Variants in INO80D observed in about 807,000 individuals in gnomAD.
INO80D encodes the protein INO80 complex subunit D.
Under a neutral mutation model 87.6 loss-of-function variants are expected in INO80D, and 21 were observed. The observed-to-expected ratio is 0.24, with a 90% CI of 0.17 to 0.35. INO80D has a LOEUF of 0.35. Ranked by LOEUF, INO80D falls within the 10% of genes least tolerant of loss-of-function variation. The pLI is 1.00. For synonymous variants in INO80D, 440 were observed against 491.0 expected, an observed-to-expected ratio of 0.90 and a Z score of 1.37; for missense variants, 982 against 1,280.7, an observed-to-expected ratio of 0.77 and a Z score of 3.56.
intron 5 of INO80D, among the ~76,000 whole-genome samples, chr2:206,033,070 T>C (rs1688808580): frequency 6.6e-6 from 1 of 152,154 alleles, no homozygotes; most frequent in South Asian, 2.1e-4. Context: ...ACCAACCAAC[T>C]ATCTGCTGCC....
intron 8 of INO80D, among the ~76,000 whole-genome samples, chr2:206,016,422 G>C (rs113218261): frequency 1.3e-5 from 2 of 152,178 alleles, no homozygotes; most frequent in African/African-American, 2.4e-5. Flanking sequence ...ACTTGCTTTT[G>C]ATTTTACAGG....
chr2:206,068,794 G>A (rs559173482), intron 1 of INO80D, among the ~76,000 whole-genome samples: 1 of 151,874 alleles, frequency 6.6e-6, no homozygotes, highest in Admixed American at 6.6e-5. Flanking sequence ...CAACCTCCAG[G>A]GCTCAAGCAA....
intron 1 of INO80D, 82 bp from the exon 2 acceptor site, chr2:206,063,326 A>C (rs1349017410): frequency 8.5e-5 from 42 of 493,920 alleles, no homozygotes; most frequent in Admixed American, 1.7e-4. Flanking sequence ...CTAAGATATC[A>C]CCCTTACTAA....
rs942303600 is a variant in INO80D, at chr2:206,000,123, G to A, written c.*4245C>T. ...CTAAATTGCCTCATTAAACTGGAGA[G>A]TTCTGTTGACCATTTAGAAGACCAT... On this transcript the variant is annotated 3_prime_UTR_variant, in exon 11 of 11. Transcript: ENST00000403263. 1 of 152,052 alleles carries A rather than the reference G, an allele frequency of 6.6e-6. No homozygotes were observed. The allele number at this position is 152,052 out of a possible 1,614,324, so 9.4% of individuals were successfully genotyped here.
rs562194852 is a variant in INO80D at position 206,015,087 on chromosome 2, C to T, written c.1542+2593G>A. Among the ~76,000 whole-genome samples the T allele has an allele frequency of 2.0e-5, 3 of 152,266 alleles. No homozygotes were observed. In the South Asian group the frequency reaches 6.2e-4, roughly 32 times the overall value. ...CAGAAGAAATTTCTAAGCAGCAAAGCATTCAAGAGGTGACTTGGGTGCTAT... is the reference window on the plus strand; with the variant it reads ...CAGAAGAAATTTCTAAGCAGCAAAGTATTCAAGAGGTGACTTGGGTGCTAT... On this transcript the variant is annotated intron_variant, in intron 8 of 10. Transcript: ENST00000403263.
intron 5 of INO80D, among the ~76,000 whole-genome samples, chr2:206,031,638 C>A (rs1421342100): frequency 6.6e-6 from 1 of 152,218 alleles, no homozygotes; most frequent in Non-Finnish European, 1.5e-5. Flanking sequence ...CACTTTACCC[C>A]TAGGACTGGC....
chr2:206,047,059 G>A (rs757081172), intron 4 of INO80D, among the ~76,000 whole-genome samples: 14 of 152,140 alleles, frequency 9.2e-5, no homozygotes, highest in Non-Finnish European at 1.8e-4. Context: ...GATTACAGGC[G>A]TGAGCCACCG....
intron 6 of INO80D, among the ~76,000 whole-genome samples, chr2:206,025,901 G>GA (rs1341851736): frequency 1.3e-5 from 2 of 151,614 alleles, no homozygotes; most frequent in African/African-American, 4.8e-5. Flanking sequence ...ATAATGTTTT[G>GA]AAATTTTTTT....
chr2:206,038,266 G>A (rs1688943300), intron 5 of INO80D, among the ~76,000 whole-genome samples: 1 of 152,166 alleles, frequency 6.6e-6, no homozygotes, highest in Non-Finnish European at 1.5e-5. Context: ...GTCATCTGTT[G>A]TATTCTATTT....
At chr2:206,061,917 G>A (rs1345444253) in intron 3 of INO80D, among the ~76,000 whole-genome samples, 1 of 152,084 alleles carries the variant, frequency 6.6e-6, no homozygotes, top group African/African-American at 2.4e-5. Context: ...TGAAACTTTT[G>A]GAAAACAAGC....
intron 5 of INO80D, among the ~76,000 whole-genome samples, chr2:206,040,118 C>A (rs535702123): frequency 6.6e-6 from 1 of 151,410 alleles, no homozygotes; most frequent in Admixed American, 6.6e-5. Flanking sequence ...CATGGTAAAA[C>A]CTCATTTCTA....
intron 4 of INO80D, among the ~76,000 whole-genome samples, chr2:206,054,477 G>A (rs976147064): frequency 6.6e-6 from 1 of 152,014 alleles, no homozygotes. Context: ...TAATCCACAG[G>A]ATAGTGTCCC....
chr2:206,062,826 T>C lies in INO80D; in HGVS notation c.191A>G (p.Asn64Ser). 6.2e-7 allele frequency: 1 copy of C among 1,610,326 alleles called. No homozygotes were observed. Among genetic ancestry groups the C allele is most frequent in the Non-Finnish European group, 8.5e-7 (1 of 1,178,908 alleles). ...ACGATCCTCTGATTTGGGGATGGGG[T>C]TGGTGCAGCGTTGGCTGTTATACTT... ...VAKYNSQRCT[N>S]PIPKSEDRRY... The change falls in exon 3 of 11, where the codon AAC becomes AGC. Residue 64 changes from asparagine to serine, a missense_variant. Coordinates refer to ENST00000403263, the MANE Select transcript of INO80D (RefSeq NM_017759.5). This position sits in a 1 kb window ranked among gnomAD's most constrained non-coding sequence, Gnocchi z 4.6.
intron 6 of INO80D, among the ~76,000 whole-genome samples, chr2:206,020,413 G>A (rs576553048): frequency 3.9e-5 from 6 of 151,958 alleles, no homozygotes; most frequent in African/African-American, 7.3e-5. Context: ...TATGATTATC[G>A]CCACCATTAG....
At chr2:206,037,661 G>A (rs1688927005) in intron 5 of INO80D, among the ~76,000 whole-genome samples, 1 of 152,140 alleles carries the variant, frequency 6.6e-6, no homozygotes, top group Non-Finnish European at 1.5e-5. Flanking sequence ...ACAGTATAAA[G>A]ATTTCTCAAA....
intron 8 of INO80D, among the ~76,000 whole-genome samples, chr2:206,014,278 CAT>C (rs1410389109): frequency 6.6e-6 from 1 of 151,598 alleles, no homozygotes; most frequent in Non-Finnish European, 1.5e-5. Flanking sequence ...TTTTTCAAAA[CAT>C]ATTGTCTGTA....
chr2:206,021,239 A>G (rs1688455762), intron 6 of INO80D, among the ~76,000 whole-genome samples: 1 of 152,206 alleles, frequency 6.6e-6, no homozygotes, highest in Non-Finnish European at 1.5e-5. Context: ...TATTGACACT[A>G]ATTAGGTAAG....
rs1687813987 is a variant in INO80D at position 205,996,625 on chromosome 2, T to C, written c.*7743A>G. The C allele has an allele frequency of 6.6e-6, 1 of 152,106 alleles. No individual in the cohort carries two copies. Among genetic ancestry groups the C allele is most frequent in the Non-Finnish European group, 1.5e-5 (1 of 67,964 alleles). 9.4% of individuals were successfully genotyped at this position (152,106 alleles called of 1,614,324 possible). A position where few individuals can be genotyped will look rare whatever the true frequency, so the allele number is the denominator to read the frequency against. The stretch of plus-strand genomic sequence containing the variant: ...AGGGAAATATATGTATATAGCTTTA[T>C]CTATACACACACATATACATACGTG... On this transcript the variant is annotated 3_prime_UTR_variant, in exon 11 of 11. Transcript: ENST00000403263.
chr2:206,039,549 C>A (rs1016893823), intron 5 of INO80D, among the ~76,000 whole-genome samples: 1 of 151,884 alleles, frequency 6.6e-6, no homozygotes, highest in Non-Finnish European at 1.5e-5. Context: ...CAGTGGCTCA[C>A]GCCTATAATC....
Sources: gnomAD v4.1 joint callset for allele counts (sites outside exome capture counted in the v4.1 genomes callset) on GRCh38, gnomAD v4.1.1 for gene constraint, Gnocchi (gnomAD v3.1) non-coding constraint, MANE v1.5 for transcripts, NCBI Gene and HGNC (gene_info 2026-07-23, HGNC 2026-07-21) for gene names.